INTS6: variants seen among roughly 807,000 people sequenced by gnomAD.
The protein encoded by INTS6 is integrator complex subunit 6, also known as DEAD box protein.
In INTS6, 16 loss-of-function variants were observed where a neutral mutation model predicts 104.9. The observed-to-expected ratio is 0.15, with a 90% CI of 0.10 to 0.23. The LOEUF is 0.23. Ranked by LOEUF, INTS6 falls within the 10% of genes least tolerant of loss-of-function variation. The probability of loss-of-function intolerance (pLI) is 1.00; values close to 1 mark genes in which losing one functional copy is unlikely to be tolerated. For missense variants in INTS6, 584 were observed against 1,062.8 expected (o/e 0.55, Z 6.26); for synonymous variants, 324 against 358.7 (o/e 0.90, Z 1.09).
At chr13:51,449,413 G>A in intron 3 of INTS6, 2 of 951,158 alleles carry the variant, frequency 2.1e-6, no homozygotes, top group Non-Finnish European at 2.5e-6. Flanking sequence ...ACTGGGAAAA[G>A]GAAAATACAG....
chr13:51,385,743 A>C (rs900891254), intron 7 of INTS6, among the ~76,000 whole-genome samples: 1 of 152,174 alleles, frequency 6.6e-6, no homozygotes, highest in Non-Finnish European at 1.5e-5. Flanking sequence ...AATATCCTTC[A>C]GTTACTAAAG....
At chr13:51,348,465 G>A in the INTS6 span, 11 of 1,505,488 alleles carry the variant, frequency 7.3e-6, no homozygotes, top group Middle Eastern at 1.7e-4. Flanking sequence ...TCAGAAGAGC[G>A]TGGATTTGCA....
At chr13:51,348,434 C>T in the INTS6 span, 1 of 1,602,522 alleles carries the variant, frequency 6.2e-7, no homozygotes. Flanking sequence ...GTCCCCCTCA[C>T]AGGTGCTGTG....
intron 4 of INTS6, among the ~76,000 whole-genome samples, chr13:51,403,046 T>C (rs1394381495): frequency 1.3e-5 from 2 of 152,184 alleles, no homozygotes; most frequent in Non-Finnish European, 2.9e-5. Context: ...AGCTAGCTCA[T>C]TGTAAGAAAA....
At chr13:51,348,202 T>C in the INTS6 span, 2 of 1,570,662 alleles carry the variant, frequency 1.3e-6, no homozygotes, top group Non-Finnish European at 1.7e-6. Context: ...TCTGATCCAC[T>C]GTACCCTCAG....
intron 2 of INTS6, 53 bp from the exon 3 acceptor site, chr13:51,451,227 C>T: frequency 7.1e-7 from 1 of 1,416,158 alleles, no homozygotes. Flanking sequence ...GCCATGTACA[C>T]AGAGCCGTTA....
At position 51,452,616 on chromosome 13, in the gene INTS6, G is replaced by T; in HGVS notation, c.-91C>A. ...CCGGTGGCGGCGACCGCCGCTACGC[G>T]GGGCGGGGGAGCACGGCCCCCGGGA... On this transcript the variant is annotated 5_prime_UTR_variant, in exon 1 of 18. Transcript: ENST00000311234. The surrounding 1 kb of genome is among the most constrained non-coding windows in gnomAD (Gnocchi z 4.2). 6.5e-7 allele frequency: 1 copy of T among 1,542,956 alleles called. No individual in the cohort carries two copies. Among genetic ancestry groups the T allele is most frequent in the Non-Finnish European group, 8.8e-7 (1 of 1,142,652 alleles).
At position 51,452,078 on chromosome 13, in the gene INTS6, G is replaced by C; in HGVS notation, c.112-23C>G. On this transcript the variant is annotated intron_variant, in intron 1 of 17. Coordinates refer to ENST00000311234, the MANE Select transcript of INTS6 (RefSeq NM_012141.3). This position sits in a 1 kb window ranked among gnomAD's most constrained non-coding sequence, Gnocchi z 4.2. The stretch of plus-strand genomic sequence containing the variant: ...GAGCTGCGGGACGGGAGGAGGAACA[G>C]GGCGGGCGACAGGGAAGCACAGAGG... 6.2e-7 allele frequency: 1 copy of C among 1,605,494 alleles called. No individual in the cohort carries two copies. The highest frequency in any genetic ancestry group is 8.5e-7 in the Non-Finnish European group (1 of 1,175,228).
At chr13:51,338,141 CCT>C in the INTS6 span, among the ~76,000 whole-genome samples, 1 of 152,160 alleles carries the variant, frequency 6.6e-6, no homozygotes, top group Non-Finnish European at 1.5e-5. Context: ...ACACAAACAA[CCT>C]TTTTTTAATT....
chr13:51,392,872 A>G (rs1956267838), intron 5 of INTS6, among the ~76,000 whole-genome samples: 1 of 152,172 alleles, frequency 6.6e-6, no homozygotes, highest in Non-Finnish European at 1.5e-5. Flanking sequence ...TATTTGGCAT[A>G]GAGTGGGCAC....
the INTS6 span, among the ~76,000 whole-genome samples, chr13:51,345,811 G>A: frequency 9.2e-5 from 14 of 152,186 alleles, no homozygotes; most frequent in African/African-American, 2.4e-4. Flanking sequence ...CTGCCAGGGC[G>A]TAAGGCCAGA....
At chr13:51,347,554 A>G in the INTS6 span, among the ~76,000 whole-genome samples, 3 of 152,196 alleles carry the variant, frequency 2.0e-5, no homozygotes, top group Non-Finnish European at 2.9e-5. Flanking sequence ...CCGGGATTGA[A>G]TGGCTGCTCC....
intron 12 of INTS6, among the ~76,000 whole-genome samples, chr13:51,377,343 A>G (rs931239987): frequency 1.4e-4 from 22 of 152,106 alleles, no homozygotes; most frequent in Non-Finnish European, 2.9e-4. Context: ...TTTAAAGAGC[A>G]AAGTTTATTT....
At chr13:51,360,843 A>C (rs935777288), downstream of INTS6, among the ~76,000 whole-genome samples, 2 of 151,994 alleles carry the variant, frequency 1.3e-5, no homozygotes, top group African/African-American at 4.8e-5. Flanking sequence ...AAGGGAAATG[A>C]TCTCTGAAGC....
At chr13:51,347,310 C>A in the INTS6 span, 1 of 1,265,264 alleles carries the variant, frequency 7.9e-7, no homozygotes, top group South Asian at 1.3e-5. Context: ...GAGGCCAGGT[C>A]CCTGCTCCTA....
intron 12 of INTS6, among the ~76,000 whole-genome samples, chr13:51,377,050 T>C: frequency 6.6e-6 from 1 of 152,200 alleles, no homozygotes; most frequent in East Asian, 1.9e-4. Context: ...AATCCCTGTA[T>C]TTTTTGTCTT....
chr13:51,372,584 A>T (rs868265802), intron 15 of INTS6, among the ~76,000 whole-genome samples: 1 of 151,706 alleles, frequency 6.6e-6, no homozygotes, highest in South Asian at 2.1e-4. Context: ...CTGAGCCCAA[A>T]CTCAATATTC....
chr13:51,376,196 C>CA, intron 12 of INTS6, 22 bp from the exon 13 acceptor site: 1 of 1,570,448 alleles, frequency 6.4e-7, no homozygotes. Context: ...CATTCGAGGA[C>CA]AAAATTTATT....
chr13:51,430,478 T>C (rs1957070743), intron 3 of INTS6, 95 bp from the exon 4 acceptor site: 1 of 824,054 alleles, frequency 1.2e-6, no homozygotes, highest in Non-Finnish European at 1.9e-6. Flanking sequence ...ACGATCTCCC[T>C]TTCTAGTTTC....
Sources: allele counts gnomAD v4.1 joint callset (sites outside exome capture counted in the v4.1 genomes callset), GRCh38; gene constraint gnomAD v4.1.1; non-coding constraint Gnocchi (gnomAD v3.1); transcripts MANE v1.5; gene names NCBI Gene and HGNC (gene_info 2026-07-23, HGNC 2026-07-21).